The following DCC variants were observed in gnomAD, a reference collection of about 807,000 sequenced individuals.
The protein encoded by DCC is DCC netrin 1 receptor, also known as netrin receptor DCC.
In DCC, 58 loss-of-function variants were observed where a neutral mutation model predicts 172.5. That is an observed-to-expected ratio of 0.34 (90% CI 0.27 to 0.42). The LOEUF (loss-of-function observed/expected upper bound fraction) is 0.42, where lower values mean the gene tolerates loss of function less well. DCC is among the 10% of genes least tolerant of loss of function. DCC has a pLI of 1.00. For missense variants in DCC, 1,740 were observed against 1,791.0 expected, an observed-to-expected ratio of 0.97 and a Z score of 0.51; for synonymous variants, 709 against 644.5, an observed-to-expected ratio of 1.10 and a Z score of -1.52.
intron 15 of DCC, among the ~76,000 whole-genome samples, chr18:53,357,454 CA>C: frequency 6.6e-6 from 1 of 152,158 alleles, no homozygotes; most frequent in Non-Finnish European, 1.5e-5. Context: ...TTATGAAATG[CA>C]AACATTTAAA....
At chr18:52,853,530 A>AC (rs1268678803) in intron 2 of DCC, among the ~76,000 whole-genome samples, 1 of 152,234 alleles carries the variant, frequency 6.6e-6, no homozygotes, top group African/African-American at 2.4e-5. Flanking sequence ...AAAACCAAAT[A>AC]GATGGATTTA....
chr18:53,281,741 G>T (rs1568410098), intron 12 of DCC, among the ~76,000 whole-genome samples: 1 of 151,662 alleles, frequency 6.6e-6, no homozygotes, highest in African/African-American at 2.4e-5. Context: ...CACAGAAATT[G>T]GCAGATGCTA....
intron 15 of DCC, among the ~76,000 whole-genome samples, chr18:53,373,369 T>C (rs563379433): frequency 3.3e-5 from 5 of 152,186 alleles, no homozygotes; most frequent in African/African-American, 1.2e-4. Flanking sequence ...TTTTTTCTGT[T>C]TTTATCCCCT....
At chr18:52,735,981 A>G (rs2036721794) in intron 1 of DCC, among the ~76,000 whole-genome samples, 1 of 152,158 alleles carries the variant, frequency 6.6e-6, no homozygotes. Context: ...ATTTCAATTA[A>G]TATTGTGTGA....
intron 9 of DCC, among the ~76,000 whole-genome samples, chr18:53,183,066 T>C (rs915165013): frequency 3.7e-4 from 56 of 152,282 alleles, no homozygotes; most frequent in African/African-American, 1.3e-3. Flanking sequence ...GTAGTAATTG[T>C]ACACTAAAAT....
Position 52,515,606 on chromosome 18 carries a change from CAAAAAA to C in DCC, c.91+174743_91+174748del, listed in dbSNP as rs58112743. Among the ~76,000 whole-genome samples the C allele has an allele frequency of 5.8e-4, 6 of 10,316 alleles. 1 individual carries two copies. The highest frequency in any genetic ancestry group is 7.5e-4 in the Non-Finnish European group (3 of 3,988). 6.8% of individuals were successfully genotyped at this position (10,316 alleles called of 152,430 possible). On this transcript the variant is annotated intron_variant, in intron 1 of 28. Transcript: ENST00000442544. ...TGGGCGACAGAGCGAAACCCTGTCT[CAAAAAA>C]AAAAAAAAAAAAAATCATACAGGTA...
At chr18:53,308,064 C>A (rs1370563844) in intron 13 of DCC, among the ~76,000 whole-genome samples, 4 of 150,494 alleles carry the variant, frequency 2.7e-5, no homozygotes, top group Non-Finnish European at 5.9e-5. Context: ...TCCTAGGAAG[C>A]AATCATATTT....
chr18:52,439,326 A>G (rs16955015), intron 1 of DCC, among the ~76,000 whole-genome samples: 2 of 151,960 alleles, frequency 1.3e-5, no homozygotes, highest in African/African-American at 2.4e-5. Flanking sequence ...GTGAAGAAGT[A>G]TACTACCCAC....
At chr18:53,425,548 G>A (rs990657407) in intron 21 of DCC, among the ~76,000 whole-genome samples, 26 of 151,672 alleles carry the variant, frequency 1.7e-4, no homozygotes, top group African/African-American at 6.1e-4. Context: ...TTTTAGTAGC[G>A]GTGGGGTTTC....
At chr18:52,778,792 G>T (rs191312787) in intron 2 of DCC, among the ~76,000 whole-genome samples, 19 of 152,090 alleles carry the variant, frequency 1.2e-4, no homozygotes, top group African/African-American at 4.3e-4. Flanking sequence ...TCCTCTAAAA[G>T]TTTTGTCACT....
At chr18:53,406,298 A>G (rs1173763427) in intron 19 of DCC, among the ~76,000 whole-genome samples, 1 of 152,150 alleles carries the variant, frequency 6.6e-6, no homozygotes, top group Non-Finnish European at 1.5e-5. Context: ...TCTGATTTGC[A>G]GAAATTTCTT....
intron 1 of DCC, among the ~76,000 whole-genome samples, chr18:52,667,732 T>G (rs2035481054): frequency 6.6e-6 from 1 of 152,120 alleles, no homozygotes; most frequent in African/African-American, 2.4e-5. Context: ...GGGGAAGAGC[T>G]GGAGGGTGAG....
intron 1 of DCC, among the ~76,000 whole-genome samples, chr18:52,664,637 A>AT (rs939371833): frequency 6.6e-6 from 1 of 151,376 alleles, no homozygotes; most frequent in African/African-American, 2.4e-5. Context: ...TGCCCGGCTG[A>AT]TTTTTTGTAT....
intron 22 of DCC, among the ~76,000 whole-genome samples, chr18:53,446,360 C>T (rs760649131): frequency 5.9e-5 from 9 of 152,042 alleles, no homozygotes; most frequent in Non-Finnish European, 1.3e-4. Flanking sequence ...GGCTTGTGGT[C>T]ACTGTGGTGC....
At chr18:53,000,165 T>G (rs888792581) in intron 5 of DCC, among the ~76,000 whole-genome samples, 1 of 152,024 alleles carries the variant, frequency 6.6e-6, no homozygotes, top group African/African-American at 2.4e-5. Flanking sequence ...AGCCACCCAG[T>G]TTGTGGTACT....
intron 25 of DCC, among the ~76,000 whole-genome samples, chr18:53,477,845 C>G (rs745567529): frequency 7.9e-5 from 12 of 152,212 alleles, no homozygotes; most frequent in Non-Finnish European, 1.8e-4. Flanking sequence ...AACATGCCAG[C>G]TGACAGCACA....
chr18:53,266,523 TTC>T (rs2056676885), intron 12 of DCC, among the ~76,000 whole-genome samples: 2 of 152,150 alleles, frequency 1.3e-5, no homozygotes, highest in Admixed American at 6.5e-5. Context: ...CCTGTGCTCT[TTC>T]TTTCTTTTTT....
intron 1 of DCC, among the ~76,000 whole-genome samples, chr18:52,468,982 T>C (rs377599334): frequency 6.6e-6 from 1 of 152,192 alleles, no homozygotes; most frequent in Non-Finnish European, 1.5e-5. Flanking sequence ...ATAAGCTAAC[T>C]AATATATGCT....
intron 5 of DCC, among the ~76,000 whole-genome samples, chr18:53,042,512 G>A (rs1185492778): frequency 1.1e-4 from 16 of 151,788 alleles, no homozygotes; most frequent in Non-Finnish European, 1.5e-4. Context: ...GGATGATGCT[G>A]GCCTCATAAA....
Sources: gnomAD v4.1 joint callset for allele counts (sites outside exome capture counted in the v4.1 genomes callset) on GRCh38, gnomAD v4.1.1 for gene constraint, MANE v1.5 for transcripts, NCBI Gene and HGNC (gene_info 2026-07-23, HGNC 2026-07-21) for gene names.